SVIL: variants seen among roughly 807,000 people sequenced by gnomAD.
The protein encoded by SVIL is archvillin.
SVIL carries 101 observed loss-of-function variants against 240.4 expected under a neutral mutation model. The ratio of observed to expected loss-of-function variants is 0.42; its 90% confidence interval spans 0.36 to 0.50. The LOEUF (loss-of-function observed/expected upper bound fraction) is 0.50. SVIL is among the 20% of genes least tolerant of loss of function. The pLI, the probability that SVIL is intolerant of heterozygous loss-of-function variation, is 0.01. For missense variants in SVIL, 2,512 were observed against 2,818.7 expected (o/e 0.89, Z 2.46); for synonymous variants, 999 against 1,100.0 (o/e 0.91, Z 1.82).
At chr10:29,638,075 A>G (rs1958368770), upstream of SVIL, among the ~76,000 whole-genome samples, 1 of 152,190 alleles carries the variant, frequency 6.6e-6, no homozygotes, top group South Asian at 2.1e-4. Flanking sequence ...ATAGCTTTGC[A>G]AGATGTTATC....
intron 23 of SVIL, among the ~76,000 whole-genome samples, 169 bp downstream of exon 23, chr10:29,488,432 G>A (rs1214392554): frequency 6.6e-6 from 1 of 152,094 alleles, no homozygotes; most frequent in Non-Finnish European, 1.5e-5. Flanking sequence ...CATGGGATTT[G>A]GGGAAGCTTG....
intron 1 of SVIL, among the ~76,000 whole-genome samples, chr10:29,696,640 C>A (rs1198497613): frequency 1.3e-5 from 2 of 151,348 alleles, no homozygotes. Flanking sequence ...TCGGCCCGGC[C>A]GCGACCCCGT....
chr10:29,731,218 A>C (rs1303778548), intron 1 of SVIL, among the ~76,000 whole-genome samples: 1 of 152,228 alleles, frequency 6.6e-6, no homozygotes, highest in African/African-American at 2.4e-5. Flanking sequence ...CTGCGAGTCC[A>C]TCCAGGGCTG....
At chr10:29,647,004 G>A (rs778851369) in intron 3 of SVIL, among the ~76,000 whole-genome samples, 2 of 152,186 alleles carry the variant, frequency 1.3e-5, no homozygotes, top group Non-Finnish European at 2.9e-5. Context: ...TTACTTTTAG[G>A]TAGGAACTAT....
At chr10:29,683,548 G>A (rs1162785145) in intron 2 of SVIL, among the ~76,000 whole-genome samples, 4 of 152,172 alleles carry the variant, frequency 2.6e-5, no homozygotes, top group African/African-American at 9.6e-5. Flanking sequence ...AATGGCCTTG[G>A]CCAAGAGGAG....
In SVIL at chr10:29,480,795, C is replaced by T. The variant is rs769200033; in HGVS notation, c.5119G>A (p.Val1707Ile). ...AQHKEDPRTD[V>I]KAYDVTRMVS... is the part of the protein sequence containing the mutation. Reference sequence around the variant, plus strand: ...ATCCGTGTCACATCGTATGCCTTGACATCAGTCCTGGGGTCTTCCTACAGG... The same window carrying T: ...ATCCGTGTCACATCGTATGCCTTGATATCAGTCCTGGGGTCTTCCTACAGG... The change falls in exon 29 of 38, where the codon GTC becomes ATC. Residue 1707 changes from valine to isoleucine, a missense_variant. Val to Ile is a conservative substitution (Grantham distance 29). This residue lies in a region of SVIL where 797 missense variants were observed against 925.3 expected (regional missense o/e 0.86). Transcript: ENST00000355867. The T allele has an allele frequency of 1.2e-6, 2 of 1,610,948 alleles. No homozygotes were observed. The highest frequency in any genetic ancestry group is 2.2e-5 in the South Asian group (2 of 91,070).
At chr10:29,538,141 T>C (rs747540121) in intron 6 of SVIL, among the ~76,000 whole-genome samples, 1 of 152,222 alleles carries the variant, frequency 6.6e-6, no homozygotes, top group Admixed American at 6.5e-5. Flanking sequence ...GGGTTATGTT[T>C]AGGCTGAATG....
At chr10:29,493,108 A>C (rs1290678491) in intron 21 of SVIL, 106 bp downstream of exon 21, 26 of 1,309,470 alleles carry the variant, frequency 2.0e-5, no homozygotes, top group Non-Finnish European at 2.5e-5. Flanking sequence ...TGATGGAGTT[A>C]GAAGGAGAAG....
Position 29,735,547 on chromosome 10 carries a change from C to G in SVIL, c.-400+204G>C, listed in dbSNP as rs1964855642. Among the ~76,000 whole-genome samples the G allele has an allele frequency of 6.6e-6, 1 of 150,450 alleles. No individual in the cohort carries two copies. The highest frequency in any genetic ancestry group is 1.5e-5 in the Non-Finnish European group (1 of 67,350). On this transcript the variant is annotated intron_variant, in intron 1 of 35. Coordinates refer to the SVIL transcript ENST00000375400. The surrounding 1 kb of genome is among the most constrained non-coding windows in gnomAD (Gnocchi z 4.1). The stretch of plus-strand genomic sequence containing the variant: ...ACCCCGCGGGCCGAGCGCAGCGCCC[C>G]GTCGCAGCGGCCCGGGCACCCGCCG...
chr10:29,498,581 A>T (rs569525719), intron 18 of SVIL, among the ~76,000 whole-genome samples: 46 of 152,332 alleles, frequency 3.0e-4, no homozygotes, highest in African/African-American at 1.1e-3. Context: ...TCCAAGAATC[A>T]TATAAAGTTT....
intron 2 of SVIL, among the ~76,000 whole-genome samples, chr10:29,663,610 C>T (rs998481383): frequency 6.6e-6 from 1 of 152,208 alleles, no homozygotes; most frequent in Non-Finnish European, 1.5e-5. Flanking sequence ...CCCTGCTTGG[C>T]CTCCCAAAGT....
intron 18 of SVIL, 107 bp from the exon 19 acceptor site, chr10:29,495,288 A>G: frequency 3.1e-6 from 2 of 635,412 alleles, no homozygotes; most frequent in Non-Finnish European, 5.3e-6. Flanking sequence ...ACAACATATA[A>G]GAATTTACAC....
At chr10:29,631,120 C>T (rs1445693073) in intron 1 of SVIL, among the ~76,000 whole-genome samples, 2 of 152,202 alleles carry the variant, frequency 1.3e-5, no homozygotes, top group East Asian at 1.9e-4. Flanking sequence ...GAGAAGACAA[C>T]ATTTTGGGGA....
intron 1 of SVIL, among the ~76,000 whole-genome samples, chr10:29,620,773 C>T (rs1334247702): frequency 6.6e-6 from 1 of 152,070 alleles, no homozygotes; most frequent in Non-Finnish European, 1.5e-5. Flanking sequence ...CGCCCACTAC[C>T]ACACCAAGCT....
chr10:29,561,317 ATTTGTTG>A (rs1954450628), intron 3 of SVIL, among the ~76,000 whole-genome samples: 2 of 152,062 alleles, frequency 1.3e-5, no homozygotes, highest in South Asian at 4.2e-4. Flanking sequence ...TGAAGTTACC[ATTTGTTG>A]AACCTTAAGG....
chr10:29,496,205 C>T (rs189793795), intron 18 of SVIL, among the ~76,000 whole-genome samples: 24 of 152,270 alleles, frequency 1.6e-4, no homozygotes, highest in African/African-American at 4.6e-4. Flanking sequence ...GTTTAAAACT[C>T]AAGTTTTAGT....
chr10:29,611,933 T>G (rs1323313933), intron 1 of SVIL, among the ~76,000 whole-genome samples: 1 of 152,160 alleles, frequency 6.6e-6, no homozygotes, highest in Non-Finnish European at 1.5e-5. Context: ...CCATGGACTT[T>G]ACGCTCCAGG....
chr10:29,608,220 C>T (rs1225165771), intron 1 of SVIL, among the ~76,000 whole-genome samples: 18 of 152,182 alleles, frequency 1.2e-4, no homozygotes, highest in Admixed American at 9.2e-4. Flanking sequence ...GCAAGAGGGA[C>T]GTCAAGGCAG....
chr10:29,517,802 T>C (rs1887002), intron 16 of SVIL, among the ~76,000 whole-genome samples: 66,593 of 152,090 alleles, frequency 0.44, 15,209 homozygotes, highest in African/African-American at 0.54. Flanking sequence ...TCTTTTTCCC[T>C]AAATAAGAAA....
Sources: gnomAD v4.1 joint callset for allele counts (sites outside exome capture counted in the v4.1 genomes callset) on GRCh38, gnomAD v4.1.1 for gene constraint, gnomAD v4.1.1 regional missense constraint, Gnocchi (gnomAD v3.1) non-coding constraint, MANE v1.5 for transcripts, NCBI Gene and HGNC (gene_info 2026-07-23, HGNC 2026-07-21) for gene names.